The following MCTP2 variants were observed in gnomAD, a reference collection of about 807,000 sequenced individuals.
The protein encoded by MCTP2 is multiple C2 and transmembrane domain containing 2.
In MCTP2, 132 loss-of-function variants were observed where a neutral mutation model predicts 111.6. That is an observed-to-expected ratio of 1.18 (90% CI 1.03 to 1.37). The LOEUF (loss-of-function observed/expected upper bound fraction) is 1.37. Among genes scored for constraint, MCTP2 ranks in the 40% most tolerant of loss-of-function variants. The pLI, the probability that MCTP2 is intolerant of heterozygous loss-of-function variation, is 0.00. For missense variants in MCTP2, 1,183 were observed against 1,067.9 expected (o/e 1.11, Z -1.50); for synonymous variants, 395 against 387.7 (o/e 1.02, Z -0.22).
In MCTP2 at chr15:94,355,000, G is replaced by A. The variant is rs191796040; in HGVS notation, c.1006-1137G>A. Among the ~76,000 whole-genome samples, 176 of 152,334 alleles carry A rather than the reference G, an allele frequency of 1.2e-3. 1 individual carries two copies. Among genetic ancestry groups the A allele is most frequent in the African/African-American group, 4.1e-3 (170 of 41,582 alleles). ...GCCCATTTATTTCTCCTTCAATAAA[G>A]AAGCCTATGCTTGTGTTATTTCACT... is the stretch of plus-strand genomic sequence containing the variant. On this transcript the variant is annotated intron_variant, in intron 8 of 22. Coordinates refer to ENST00000357742, the MANE Select transcript of MCTP2 (RefSeq NM_001385001.1).
At chr15:94,457,138 C>T (rs1003320838) in intron 19 of MCTP2, among the ~76,000 whole-genome samples, 7 of 152,086 alleles carry the variant, frequency 4.6e-5, no homozygotes, top group African/African-American at 1.7e-4. Context: ...TCTGTAAGAA[C>T]TATTTGAGGT....
intron 8 of MCTP2, among the ~76,000 whole-genome samples, chr15:94,350,883 T>C (rs550105000): frequency 6.8e-6 from 1 of 148,068 alleles, no homozygotes; most frequent in South Asian, 2.1e-4. Context: ...TATCTCTTCA[T>C]TTTTTTTTTT....
chr15:94,397,281 T>TA (rs2081326760), intron 14 of MCTP2, among the ~76,000 whole-genome samples: 2 of 152,300 alleles, frequency 1.3e-5, no homozygotes, highest in East Asian at 1.9e-4. Context: ...TTTACCAAAT[T>TA]AAAAAATCCC....
At chr15:94,415,106 G>A (rs2082314859) in intron 17 of MCTP2, among the ~76,000 whole-genome samples, 1 of 152,056 alleles carries the variant, frequency 6.6e-6, no homozygotes, top group Non-Finnish European at 1.5e-5. Flanking sequence ...AAAAGCCTTA[G>A]GGAAGCATTA....
chr15:94,352,056 G>A (rs572732283), intron 8 of MCTP2, among the ~76,000 whole-genome samples: 3 of 152,282 alleles, frequency 2.0e-5, no homozygotes, highest in African/African-American at 7.2e-5. Context: ...TATCTCCCCA[G>A]CTTGTCCCCA....
At chr15:94,302,201 G>A (rs1002198337) in intron 2 of MCTP2, among the ~76,000 whole-genome samples, 1 of 152,168 alleles carries the variant, frequency 6.6e-6, no homozygotes, top group Non-Finnish European at 1.5e-5. Context: ...GATAAGTGGG[G>A]AGATTACTCT....
At chr15:94,243,919 A>T (rs1415271503) in intron 1 of MCTP2, among the ~76,000 whole-genome samples, 1 of 116,976 alleles carries the variant, frequency 8.5e-6, no homozygotes, top group East Asian at 2.2e-4. Flanking sequence ...ATGTGTATAT[A>T]TTTACACATA....
At chr15:94,366,201 T>A (rs1275604463) in intron 10 of MCTP2, among the ~76,000 whole-genome samples, 1 of 152,182 alleles carries the variant, frequency 6.6e-6, no homozygotes, top group East Asian at 1.9e-4. Context: ...TACAGAAAAA[T>A]TGTTTTGATT....
At chr15:94,232,304 AAG>A (rs1266704852) in intron 1 of MCTP2, among the ~76,000 whole-genome samples, 1 of 152,142 alleles carries the variant, frequency 6.6e-6, no homozygotes, top group African/African-American at 2.4e-5. Context: ...GTTGCCATAA[AAG>A]AGGTTTTCTC....
chr15:94,402,749 GA>G, intron 17 of MCTP2: 1 of 1,428,606 alleles, frequency 7.0e-7, no homozygotes, highest in Non-Finnish European at 9.1e-7. Flanking sequence ...CATGGGAGGA[GA>G]AATCAAGTCT....
intron 10 of MCTP2, among the ~76,000 whole-genome samples, chr15:94,359,861 A>G (rs1024272435): frequency 6.6e-6 from 1 of 152,020 alleles, no homozygotes; most frequent in Admixed American, 6.6e-5. Flanking sequence ...GCCTCATCCC[A>G]CCTCAGAATC....
chr15:94,245,424 GTA>G (rs1213955167), intron 1 of MCTP2, among the ~76,000 whole-genome samples: 1 of 82,464 alleles, frequency 1.2e-5, no homozygotes, highest in Admixed American at 1.2e-4. Context: ...ATACATGTGT[GTA>G]TATATTTATA....
intron 4 of MCTP2, among the ~76,000 whole-genome samples, chr15:94,328,576 A>G (rs1219175943): frequency 2.0e-5 from 3 of 152,070 alleles, no homozygotes; most frequent in Non-Finnish European, 4.4e-5. Context: ...CATGTCCGTG[A>G]TTTACTCATG....
rs545031328 is a variant in MCTP2, at chr15:94,423,350, C to T, written c.2086-16826C>T. Among the ~76,000 whole-genome samples, 52 of 152,218 alleles carry T rather than the reference C, an allele frequency of 3.4e-4. 1 individual carries two copies. The highest frequency in any genetic ancestry group is 7.7e-4 in the African/African-American group (32 of 41,526). ...TGTTTCCAAGATCACACAGCTAGTA[C>T]GGTAGAGCCATGATTTAGATCCAAA... On this transcript the variant is annotated intron_variant, in intron 17 of 22. Transcript: ENST00000357742.
chr15:94,263,024 C>T (rs548511100), intron 1 of MCTP2, among the ~76,000 whole-genome samples: 2 of 152,246 alleles, frequency 1.3e-5, no homozygotes, highest in South Asian at 4.2e-4. Flanking sequence ...AAGGTGATTT[C>T]ATCTCTGCTT....
chr15:94,316,929 CT>C (rs1232102006), intron 4 of MCTP2, among the ~76,000 whole-genome samples: 1 of 152,056 alleles, frequency 6.6e-6, no homozygotes, highest in Admixed American at 6.6e-5. Context: ...GGTCTATTGA[CT>C]CTTTGATCTG....
Position 94,358,505 on chromosome 15 carries a change from G to A in MCTP2, c.1194G>A (p.Pro398=), listed in dbSNP as rs78373056. 267 of 1,613,422 alleles carry A rather than the reference G, an allele frequency of 1.7e-4. No individual in the cohort carries two copies. In the East Asian group the frequency reaches 2.9e-3, roughly 18 times the overall value. The change falls in exon 10 of 23, where the codon CCG becomes CCA. Residue 398 remains proline, a synonymous_variant. Coordinates refer to ENST00000357742, the MANE Select transcript of MCTP2 (RefSeq NM_001385001.1). ...KSKTLCKSAN[P]QWQEQFDFHY... ...AGACACTGTGTAAGAGTGCAAATCCGCAGTGGCAGGAACAGTTTGACTTTC... is the reference window on the plus strand; with the variant it reads ...AGACACTGTGTAAGAGTGCAAATCCACAGTGGCAGGAACAGTTTGACTTTC...
intron 21 of MCTP2, among the ~76,000 whole-genome samples, chr15:94,472,101 G>A (rs1420598587): frequency 6.6e-6 from 1 of 152,214 alleles, no homozygotes; most frequent in Admixed American, 6.5e-5. Flanking sequence ...ATACTGGCTG[G>A]GTGCAGTGGC....
At chr15:94,421,596 C>G (rs1567673529) in intron 17 of MCTP2, among the ~76,000 whole-genome samples, 2 of 152,170 alleles carry the variant, frequency 1.3e-5, no homozygotes, top group African/African-American at 2.4e-5. Context: ...GGCCATTCCT[C>G]CATCTTCAGA....
Sources: allele counts gnomAD v4.1 joint callset (sites outside exome capture counted in the v4.1 genomes callset), GRCh38; gene constraint gnomAD v4.1.1; transcripts MANE v1.5; gene names NCBI Gene and HGNC (gene_info 2026-07-23, HGNC 2026-07-21).